Variants in ZCRB1 observed in about 807,000 individuals in gnomAD.
The protein encoded by ZCRB1 is zinc finger CCHC-type and RNA binding motif containing 1.
ZCRB1 carries 21 observed loss-of-function variants against 29.9 expected under a neutral mutation model. That is an observed-to-expected ratio of 0.70 (90% confidence interval 0.50 to 1.01). The LOEUF is 1.01. Ranked by LOEUF, ZCRB1 falls within the 50% of genes least tolerant of loss-of-function variation. The pLI is 0.00. For synonymous variants in ZCRB1, 77 were observed against 80.0 expected, an observed-to-expected ratio of 0.96 and a Z score of 0.20; for missense variants, 204 against 253.3, an observed-to-expected ratio of 0.81 and a Z score of 1.32.
Position 42,312,817 on chromosome 12 carries a change from C to A in ZCRB1, c.*250G>T. On this transcript the variant is annotated 3_prime_UTR_variant, in exon 8 of 8. Transcript: ENST00000266529. ...TTTATTAATATAAGTAACAATAAAT[C>A]ATTCAACTTTTCGGTCTTCAGGAAG... 4.0e-6 allele frequency: 1 copy of A among 252,626 alleles called. No homozygotes were observed. The highest frequency in any genetic ancestry group is 7.2e-6 in the Non-Finnish European group (1 of 138,048). 15.6% of individuals were successfully genotyped at this position (252,626 alleles called of 1,614,324 possible). A position where few individuals can be genotyped will look rare whatever the true frequency, so the allele number is the denominator to read the frequency against.
intron 1 of ZCRB1, chr12:42,325,212 A>T (rs2068683677): frequency 6.6e-6 from 1 of 152,234 alleles, no homozygotes; most frequent in African/African-American, 2.4e-5. Context: ...AAAAGTTGTT[A>T]TGCTGTGCAT....
In ZCRB1 at chr12:42,313,733, TC is replaced by T; in HGVS notation, c.478del (p.Glu160ArgfsTer12). 1 of 1,614,012 alleles carries T rather than the reference TC, an allele frequency of 6.2e-7. No homozygotes were observed. The highest frequency in any genetic ancestry group is 2.2e-5 in the East Asian group (1 of 44,870). ...ACTGAGGCTGTCAAGAGCAGGATCCTCCCCTTCATCTTCACTTTCTTCTACT... is the reference window on the plus strand; with the variant it reads ...ACTGAGGCTGTCAAGAGCAGGATCCTCCCTTCATCTTCACTTTCTTCTACT... ...EEVEESEDEG[E>X]DPALDSLSQA... On this transcript the variant is annotated frameshift_variant, in exon 7 of 8. Transcript: ENST00000266529. LOFTEE classifies it high-confidence loss of function.
chr12:42,318,044 G>A, intron 3 of ZCRB1, 146 bp from the exon 4 acceptor site: 2 of 628,888 alleles, frequency 3.2e-6, no homozygotes, highest in South Asian at 2.1e-5. Flanking sequence ...AAAGTCAAGG[G>A]ATATCAAGAA....
At chr12:42,319,312 C>T (rs904675767) in intron 3 of ZCRB1, among the ~76,000 whole-genome samples, 1 of 151,974 alleles carries the variant, frequency 6.6e-6, no homozygotes, top group African/African-American at 2.4e-5. Context: ...TTCTCATATC[C>T]TTAAGTAGTC....
chr12:42,324,312 C>T (rs991481648), intron 1 of ZCRB1, among the ~76,000 whole-genome samples: 3 of 152,122 alleles, frequency 2.0e-5, no homozygotes, highest in Non-Finnish European at 4.4e-5. Context: ...CCATGCCTGG[C>T]TAATTTTGTA....
chr12:42,318,087 G>A (rs537122885), intron 3 of ZCRB1, among the ~76,000 whole-genome samples, 189 bp from the exon 4 acceptor site: 58 of 152,296 alleles, frequency 3.8e-4, no homozygotes, highest in African/African-American at 1.3e-3. Flanking sequence ...TGATTTAACA[G>A]AAGTGAGCAC....
intron 5 of ZCRB1, 114 bp from the exon 6 acceptor site, chr12:42,314,100 A>AG: frequency 6.9e-6 from 7 of 1,016,874 alleles, no homozygotes; most frequent in Non-Finnish European, 9.9e-6. Context: ...GAATATTCCC[A>AG]TACTGGGACT....
intron 3 of ZCRB1, among the ~76,000 whole-genome samples, chr12:42,318,779 A>G (rs907043993): frequency 6.6e-6 from 1 of 152,172 alleles, no homozygotes; most frequent in Non-Finnish European, 1.5e-5. Context: ...AGACGGAGGG[A>G]GGAATGAATG....
intron 5 of ZCRB1, among the ~76,000 whole-genome samples, chr12:42,316,937 T>C (rs924018744): frequency 3.3e-5 from 5 of 152,230 alleles, no homozygotes; most frequent in African/African-American, 1.2e-4. Flanking sequence ...CCAGGCACCA[T>C]GGCTAACACC....
rs1488682799 is a variant in ZCRB1, at chr12:42,312,993, ATT to A, written c.*72_*73del. ...TAACATGATAGTATTAATTTTTCTT[ATT>A]TTTATTAAAATTAGCTCTTCAAGAT... On this transcript the variant is annotated 3_prime_UTR_variant, in exon 8 of 8. Coordinates refer to ENST00000266529, the MANE Select transcript of ZCRB1 (RefSeq NM_033114.4). The A allele has an allele frequency of 4.4e-6, 6 of 1,363,756 alleles. No homozygotes were observed. The African/African-American group carries it at 8.9e-5, about 20-fold the overall frequency. The allele number at this position is 1,363,756 out of a possible 1,614,324, so 84.5% of individuals were successfully genotyped here.
intron 1 of ZCRB1, among the ~76,000 whole-genome samples, chr12:42,325,002 TGA>T (rs1297226242): frequency 6.6e-6 from 1 of 152,222 alleles, no homozygotes; most frequent in Admixed American, 6.5e-5. Flanking sequence ...CAGGGTGTAC[TGA>T]GACAAACCTA....
In ZCRB1 at chr12:42,313,052, T is replaced by C; in HGVS notation, c.*15A>G. ...TAACAAATCTTGATTTTTATTACTG[T>C]GCTGGGGCAAGATTTTAATCACTAA... On this transcript the variant is annotated 3_prime_UTR_variant, in exon 8 of 8. Transcript: ENST00000266529. The C allele has an allele frequency of 6.3e-7, 1 of 1,579,786 alleles. No homozygotes were observed.
chr12:42,314,086 A>G (rs1029017510), intron 5 of ZCRB1, 100 bp from the exon 6 acceptor site: 2 of 1,243,654 alleles, frequency 1.6e-6, no homozygotes, highest in African/African-American at 3.1e-5. Flanking sequence ...TCAAATTTAA[A>G]AAGGAATATT....
In ZCRB1 at chr12:42,314,636, T is replaced by A. The variant is rs538530481; in HGVS notation, c.334-650A>T. On this transcript the variant is annotated intron_variant, in intron 5 of 7. Transcript: ENST00000266529. ...TCATTTACCCTAAATGTAAACATCT[T>A]AAGTTATTGATAAAACGAGGATAAA... Among the ~76,000 whole-genome samples, 3 of 152,040 alleles carry A rather than the reference T, an allele frequency of 2.0e-5. No homozygotes were observed. The South Asian group carries it at 6.2e-4, about 32-fold the overall frequency.
intron 3 of ZCRB1, among the ~76,000 whole-genome samples, chr12:42,321,835 C>T (rs2068623085): frequency 6.6e-6 from 1 of 152,092 alleles, no homozygotes; most frequent in Admixed American, 6.6e-5. Flanking sequence ...TGATTTAAAA[C>T]AGTGAAATAC....
In ZCRB1 at chr12:42,313,781, A is replaced by C. The variant is rs1219853145; in HGVS notation, c.447-16T>G. ...TACTTCCTCACTTAAATAAAGAAAA[A>C]CAAATTGGAATGTAACCAACCAATA... On this transcript the variant is annotated splice_polypyrimidine_tract_variant and intron_variant, in intron 6 of 7. Transcript: ENST00000266529. The C allele has an allele frequency of 2.0e-5, 33 of 1,613,624 alleles. No individual in the cohort carries two copies. Among genetic ancestry groups the C allele is most frequent in the Non-Finnish European group, 2.8e-5 (33 of 1,179,888 alleles).
At chr12:42,325,239 G>A (rs1171049913) in intron 1 of ZCRB1, 1 of 152,106 alleles carries the variant, frequency 6.6e-6, no homozygotes, top group Non-Finnish European at 1.5e-5. Context: ...ACTATGGCTG[G>A]GTACCTTTTT....
In ZCRB1 at chr12:42,317,804, C is replaced by A; in HGVS notation, c.208G>T (p.Ala70Ser). The change falls in exon 4 of 8, where the codon GCA becomes TCA. Residue 70 changes from alanine (A) to serine (S), a missense_variant. Physicochemically the swap from Ala to Ser is moderately conservative, Grantham distance 99. Transcript: ENST00000266529. ...DKDSAQNCTR[A>S]INNKQLFGRV... ...TAGCTTACCTGTTTGTTGTTTATTG[C>A]CCTGGTACAGTTTTGTGCAGAGTCT... 1.2e-6 allele frequency: 2 copies of A among 1,612,894 alleles called. No homozygotes were observed. The highest frequency in any genetic ancestry group is 1.7e-6 in the Non-Finnish European group (2 of 1,179,772).
Position 42,317,769 on chromosome 12 carries a change from T to G in ZCRB1, c.225+18A>C. 3.2e-5 allele frequency: 51 copies of G among 1,600,626 alleles called. No individual in the cohort carries two copies. The highest frequency in any genetic ancestry group is 3.7e-5 in the Non-Finnish European group (43 of 1,170,182). The stretch of plus-strand genomic sequence containing the variant: ...AAGGCTTTGGGGCTAAAAACCTTGA[T>G]GGAGATGAATAGCTTACCTGTTTGT... On this transcript the variant is annotated intron_variant, in intron 4 of 7. Transcript: ENST00000266529.
Sources: gnomAD v4.1 joint callset for allele counts (sites outside exome capture counted in the v4.1 genomes callset) on GRCh38, gnomAD v4.1.1 for gene constraint, MANE v1.5 for transcripts, NCBI Gene and HGNC (gene_info 2026-07-23, HGNC 2026-07-21) for gene names.